The following MTHFD2L variants were observed in gnomAD, a reference collection of about 807,000 sequenced individuals.
The protein encoded by MTHFD2L is bifunctional methylenetetrahydrofolate dehydrogenase/cyclohydrolase 2, mitochondrial.
Under a neutral mutation model 34.9 loss-of-function variants are expected in MTHFD2L, and 29 were observed. The ratio of observed to expected loss-of-function variants is 0.83; its 90% CI spans 0.62 to 1.13. The LOEUF is 1.13. Ranked by LOEUF, MTHFD2L falls within the 50% of genes most tolerant of loss-of-function variation. The probability of loss-of-function intolerance (pLI) is 0.00; values close to 1 mark genes in which losing one functional copy is unlikely to be tolerated. For synonymous variants in MTHFD2L, 167 were observed against 155.7 expected, an observed-to-expected ratio of 1.07 and a Z score of -0.54; for missense variants, 481 against 446.5, an observed-to-expected ratio of 1.08 and a Z score of -0.70.
At chr4:74,125,077 G>T (rs947560103), upstream of MTHFD2L, among the ~76,000 whole-genome samples, 4 of 152,228 alleles carry the variant, frequency 2.6e-5, no homozygotes, top group Admixed American at 1.3e-4. Flanking sequence ...AAAACACATT[G>T]TGGGGAGGTA....
At chr4:74,264,023 A>T (rs1181728501) in intron 6 of MTHFD2L, among the ~76,000 whole-genome samples, 1 of 152,104 alleles carries the variant, frequency 6.6e-6, no homozygotes, top group Non-Finnish European at 1.5e-5. Context: ...TGATAAAAAA[A>T]AATTATCAGC....
intron 1 of MTHFD2L, 96 bp from the exon 2 acceptor site, chr4:74,174,410 A>G: frequency 1.0e-6 from 1 of 975,238 alleles, no homozygotes; most frequent in Non-Finnish European, 1.4e-6. Context: ...GGGTGCTTGG[A>G]GAATCATGGT....
chr4:74,176,263 C>T (rs921142789), intron 3 of MTHFD2L, among the ~76,000 whole-genome samples: 2 of 152,062 alleles, frequency 1.3e-5, no homozygotes, highest in East Asian at 3.8e-4. Flanking sequence ...CCTACAACTC[C>T]ATTTACATTA....
chr4:74,239,609 GAATT>G (rs1230895054), intron 6 of MTHFD2L, among the ~76,000 whole-genome samples: 1 of 152,036 alleles, frequency 6.6e-6, no homozygotes, highest in African/African-American at 2.4e-5. Flanking sequence ...CAAAATGTGA[GAATT>G]AACGAGTACT....
At chr4:74,142,297 A>C (rs979564204) in intron 1 of MTHFD2L, among the ~76,000 whole-genome samples, 1 of 152,358 alleles carries the variant, frequency 6.6e-6, no homozygotes, top group African/African-American at 2.4e-5. Flanking sequence ...ATACATTGAA[A>C]TCTAATCCTT....
chr4:74,270,711 G>T (rs79383797), intron 6 of MTHFD2L, among the ~76,000 whole-genome samples: 1 of 151,996 alleles, frequency 6.6e-6, no homozygotes, highest in Non-Finnish European at 1.5e-5. Context: ...GAGTCAAATG[G>T]TATTTCTAGT....
At chr4:74,255,135 C>G (rs1743842550) in intron 6 of MTHFD2L, among the ~76,000 whole-genome samples, 1 of 19,298 alleles carries the variant, frequency 5.2e-5, no homozygotes, top group Non-Finnish European at 8.7e-5. Flanking sequence ...GACTCCATCT[C>G]CAAAAAAAAA....
intron 3 of MTHFD2L, among the ~76,000 whole-genome samples, chr4:74,198,699 A>G (rs1412390344): frequency 1.3e-5 from 2 of 152,140 alleles, no homozygotes; most frequent in Admixed American, 6.5e-5. Flanking sequence ...TCTCCAAGCT[A>G]TAGAGAAAAT....
chr4:74,255,432 A>T (rs1743904298), intron 6 of MTHFD2L, among the ~76,000 whole-genome samples: 1 of 152,166 alleles, frequency 6.6e-6, no homozygotes, highest in Non-Finnish European at 1.5e-5. Context: ...AAAATGGAGA[A>T]AGAAGAAAGG....
intron 6 of MTHFD2L, chr4:74,268,293 A>G (rs994278017): frequency 2.1e-6 from 2 of 964,164 alleles, no homozygotes; most frequent in African/African-American, 3.5e-5. Context: ...AAAGAAGCAT[A>G]CATTCACACA....
At chr4:74,115,342 T>A (rs1446573977) in intron 2 of MTHFD2L, among the ~76,000 whole-genome samples, 5 of 152,206 alleles carry the variant, frequency 3.3e-5, no homozygotes, top group African/African-American at 1.2e-4. Context: ...AAGAAGCTTT[T>A]TTAGTTATAG....
chr4:74,297,716 A>G (rs1749797055), intron 7 of MTHFD2L, among the ~76,000 whole-genome samples: 1 of 152,108 alleles, frequency 6.6e-6, no homozygotes, highest in African/African-American at 2.4e-5. Flanking sequence ...GCTCTCTTTC[A>G]GGCATGATTG....
rs946051179 is a variant in MTHFD2L, at chr4:74,239,148, T to C, written c.805+13754T>C. 5.3e-5 allele frequency among the ~76,000 whole-genome samples: 8 copies of C among 152,158 alleles called. No homozygotes were observed. In the East Asian group the frequency reaches 1.2e-3, roughly 22 times the overall value. On this transcript the variant is annotated intron_variant, in intron 6 of 7. Transcript: ENST00000325278. ...GGCACATATACACCATGGAATACTA[T>C]GCAGCCACAGAAAAGGATGAGTTCA...
chr4:74,245,119 C>T (rs181196087), intron 6 of MTHFD2L, among the ~76,000 whole-genome samples: 5 of 148,662 alleles, frequency 3.4e-5, no homozygotes, highest in African/African-American at 1.0e-4. Context: ...GGCATGAACC[C>T]GGGAGGCAGA....
intron 7 of MTHFD2L, among the ~76,000 whole-genome samples, chr4:74,282,307 G>A (rs758794784): frequency 1.3e-5 from 2 of 152,088 alleles, no homozygotes; most frequent in Non-Finnish European, 2.9e-5. Flanking sequence ...GTAAAGTTAA[G>A]TGGTGACATT....
intron 3 of MTHFD2L, among the ~76,000 whole-genome samples, chr4:74,179,416 A>G (rs759484684): frequency 1.6e-4 from 24 of 152,128 alleles, no homozygotes; most frequent in Middle Eastern, 3.4e-3. Context: ...TCTTTTTGGT[A>G]AGGTTTAAAA....
At chr4:74,280,642 T>TTA (rs1553922366) in intron 6 of MTHFD2L, among the ~76,000 whole-genome samples, 1 of 144,852 alleles carries the variant, frequency 6.9e-6, no homozygotes, top group Admixed American at 7.0e-5. Flanking sequence ...TTTTTTTTTT[T>TTA]AAAAAACTGG....
intron 1 of MTHFD2L, chr4:74,143,345 A>T (rs1390405559): frequency 1.1e-6 from 1 of 900,054 alleles, no homozygotes; most frequent in Non-Finnish European, 1.3e-6. Context: ...AAGGCAAAGA[A>T]ATATACTCTT....
At chr4:74,153,710 T>C (rs896394512), upstream of MTHFD2L, among the ~76,000 whole-genome samples, 3 of 152,184 alleles carry the variant, frequency 2.0e-5, no homozygotes, top group Non-Finnish European at 2.9e-5. Flanking sequence ...TCTCTTCTGG[T>C]ATTGATTCTA....
Sources: gnomAD v4.1 joint callset for allele counts (sites outside exome capture counted in the v4.1 genomes callset) on GRCh38, gnomAD v4.1.1 for gene constraint, MANE v1.5 for transcripts, NCBI Gene and HGNC (gene_info 2026-07-23, HGNC 2026-07-21) for gene names.